CGNL1: variants seen among roughly 807,000 people sequenced by gnomAD.
CGNL1 encodes the protein cingulin-like protein 1.
A neutral mutation model predicts 141.2 loss-of-function variants in CGNL1; 132 were observed. That is an observed-to-expected ratio of 0.93 (90% CI 0.81 to 1.08). The LOEUF (loss-of-function observed/expected upper bound fraction) is 1.08. Among genes scored for constraint, CGNL1 ranks in the 50% least tolerant of loss-of-function variants. The pLI is 0.00. For missense variants in CGNL1, 1,870 were observed against 1,588.6 expected (o/e 1.18, Z -3.01); for synonymous variants, 690 against 622.1 (o/e 1.11, Z -1.63).
chr15:57,466,347 G>T (rs1380007386), intron 8 of CGNL1, among the ~76,000 whole-genome samples: 2 of 152,162 alleles, frequency 1.3e-5, no homozygotes, highest in Admixed American at 1.3e-4. Context: ...TGCCATCTGG[G>T]AGTAAAATTA....
At chr15:57,396,277 G>GT (rs57154500) in intron 1 of CGNL1, among the ~76,000 whole-genome samples, 2,297 of 129,156 alleles carry the variant, frequency 0.018, 46 homozygotes, top group African/African-American at 0.036. Context: ...TTCTTTCTTT[G>GT]TTTTTTTTTT....
intron 1 of CGNL1, among the ~76,000 whole-genome samples, chr15:57,379,054 G>A (rs1439774609): frequency 6.6e-6 from 1 of 151,980 alleles, no homozygotes; most frequent in Non-Finnish European, 1.5e-5. Flanking sequence ...TTTTTTGTGT[G>A]TGTGTGTGTG....
At chr15:57,507,657 G>A (rs1219141299) in intron 8 of CGNL1, among the ~76,000 whole-genome samples, 3 of 152,154 alleles carry the variant, frequency 2.0e-5, no homozygotes, top group Non-Finnish European at 4.4e-5. Flanking sequence ...CTACAAGTAC[G>A]GCAGGTTAAT....
In CGNL1 at chr15:57,528,640, G is replaced by T; in HGVS notation, c.3040-14G>T. 2 of 1,613,590 alleles carry T rather than the reference G, an allele frequency of 1.2e-6. No homozygotes were observed. Among genetic ancestry groups the T allele is most frequent in the Non-Finnish European group, 1.7e-6 (2 of 1,179,724 alleles). On this transcript the variant is annotated splice_polypyrimidine_tract_variant and intron_variant, in intron 12 of 18. Coordinates refer to ENST00000281282, the MANE Select transcript of CGNL1 (RefSeq NM_032866.5). ...TGCACCCCAGAAAACCATCCCAGCT[G>T]TCTCTCCTCCTAGATGCGTCTGATG...
chr15:57,456,895 AAT>A (rs2063385648), intron 7 of CGNL1, among the ~76,000 whole-genome samples: 1 of 152,260 alleles, frequency 6.6e-6, no homozygotes, highest in Admixed American at 6.5e-5. Flanking sequence ...GTCTCATTAA[AAT>A]AGTCTGGTTA....
At chr15:57,447,439 C>T (rs572644775) in intron 4 of CGNL1, among the ~76,000 whole-genome samples, 24 of 152,268 alleles carry the variant, frequency 1.6e-4, no homozygotes, top group Non-Finnish European at 2.6e-4. Flanking sequence ...AATTTAAAGA[C>T]GTTATTCGTC....
intron 4 of CGNL1, among the ~76,000 whole-genome samples, chr15:57,443,097 A>C (rs2063210286): frequency 6.6e-6 from 1 of 152,228 alleles, no homozygotes; most frequent in Non-Finnish European, 1.5e-5. Flanking sequence ...CAAGCTCTGG[A>C]GCTTCAGGTG....
chr15:57,499,162 G>A (rs911870668), intron 8 of CGNL1, among the ~76,000 whole-genome samples: 24 of 151,704 alleles, frequency 1.6e-4, no homozygotes, highest in African/African-American at 5.6e-4. Context: ...GCTTGGAGTC[G>A]CATGGCAGTG....
chr15:57,544,444 C>T (rs2032740304), intron 15 of CGNL1, 29 bp from the exon 16 acceptor site: 1 of 1,613,578 alleles, frequency 6.2e-7, no homozygotes, highest in South Asian at 1.1e-5. Context: ...AGACACATAG[C>T]CCCTCACAGT....
At chr15:57,445,826 C>G (rs2063243777) in intron 4 of CGNL1, among the ~76,000 whole-genome samples, 1 of 151,920 alleles carries the variant, frequency 6.6e-6, no homozygotes, top group Non-Finnish European at 1.5e-5. Flanking sequence ...GGATTTTAGC[C>G]AAATCCTTTT....
chr15:57,408,537 A>G (rs1450167101), intron 1 of CGNL1, among the ~76,000 whole-genome samples: 1 of 152,036 alleles, frequency 6.6e-6, no homozygotes, highest in Admixed American at 6.6e-5. Flanking sequence ...ATATAATTTA[A>G]TTTTAGTTTA....
chr15:57,394,729 G>A (rs1331953047), intron 1 of CGNL1, among the ~76,000 whole-genome samples: 1 of 152,216 alleles, frequency 6.6e-6, no homozygotes, highest in Non-Finnish European at 1.5e-5. Flanking sequence ...TGCATTCAGG[G>A]TGGTGTGGCT....
At chr15:57,490,778 G>A (rs913588737) in intron 8 of CGNL1, among the ~76,000 whole-genome samples, 3 of 152,160 alleles carry the variant, frequency 2.0e-5, no homozygotes, top group Admixed American at 1.3e-4. Context: ...TGGGGAGTCA[G>A]TAGAGAAACC....
chr15:57,528,540 T>C (rs1395541110), intron 12 of CGNL1, 114 bp from the exon 13 acceptor site: 14 of 1,016,130 alleles, frequency 1.4e-5, no homozygotes, highest in East Asian at 9.8e-5. Flanking sequence ...ATCTCCCATA[T>C]TGTGGGAGTC....
At chr15:57,491,306 C>T (rs2063859273) in intron 8 of CGNL1, among the ~76,000 whole-genome samples, 1 of 152,046 alleles carries the variant, frequency 6.6e-6, no homozygotes, top group Admixed American at 6.6e-5. Flanking sequence ...AAAAACCTAC[C>T]TGGGGGAATA....
At chr15:57,453,630 G>A (rs2063345467) in intron 6 of CGNL1, 53 bp from the exon 7 acceptor site, 5 of 1,604,762 alleles carry the variant, frequency 3.1e-6, no homozygotes, top group Non-Finnish European at 4.3e-6. Flanking sequence ...CAGACTGGAT[G>A]GAAATAAGCA....
intron 17 of CGNL1, 133 bp from the exon 18 acceptor site, chr15:57,545,943 G>A (rs2032839429): frequency 5.8e-6 from 6 of 1,041,074 alleles, no homozygotes; most frequent in Admixed American, 2.6e-5. Flanking sequence ...TGCTCTCCAT[G>A]TTTCCCAAGA....
chr15:57,538,471 T>C (rs28416157), intron 14 of CGNL1, among the ~76,000 whole-genome samples: 2,687 of 152,342 alleles, frequency 0.018, 78 homozygotes, highest in African/African-American at 0.061. Context: ...AATTCCTTTT[T>C]TTGCCCCCCT....
chr15:57,390,463 A>G (rs2062530282), intron 1 of CGNL1, among the ~76,000 whole-genome samples: 2 of 152,250 alleles, frequency 1.3e-5, no homozygotes, highest in Non-Finnish European at 2.9e-5. Flanking sequence ...CAGCAGGGTG[A>G]GGAAGTATAC....
Sources: gnomAD v4.1 joint callset for allele counts (sites outside exome capture counted in the v4.1 genomes callset) on GRCh38, gnomAD v4.1.1 for gene constraint, MANE v1.5 for transcripts, NCBI Gene and HGNC (gene_info 2026-07-23, HGNC 2026-07-21) for gene names.